The following SMARCC1 variants were observed in gnomAD, a reference collection of about 807,000 sequenced individuals.
The protein encoded by SMARCC1 is SWI/SNF complex subunit SMARCC1.
SMARCC1 carries 43 observed loss-of-function variants against 147.4 expected under a neutral mutation model. The ratio of observed to expected loss-of-function variants is 0.29; its 90% confidence interval spans 0.23 to 0.38. The LOEUF (loss-of-function observed/expected upper bound fraction) is 0.38, where lower values mean the gene tolerates loss of function less well. SMARCC1 is among the 10% of genes least tolerant of loss of function. SMARCC1 has a pLI of 1.00. For missense variants in SMARCC1, 1,119 were observed against 1,381.1 expected (o/e 0.81, Z 3.01); for synonymous variants, 495 against 484.4 (o/e 1.02, Z -0.29).
At chr3:47,616,148 G>A (rs191264904) in intron 25 of SMARCC1, among the ~76,000 whole-genome samples, 1 of 152,282 alleles carries the variant, frequency 6.6e-6, no homozygotes, top group Non-Finnish European at 1.5e-5. Context: ...TGGGGCCCAG[G>A]CCCTTCAATT....
intron 2 of SMARCC1, among the ~76,000 whole-genome samples, chr3:47,760,060 T>C (rs1266797962): frequency 6.6e-6 from 1 of 152,036 alleles, no homozygotes; most frequent in Admixed American, 6.6e-5. Context: ...ACGCCTGAAA[T>C]CCCACCACTC....
intron 6 of SMARCC1, among the ~76,000 whole-genome samples, chr3:47,724,195 G>C (rs1434434439): frequency 6.6e-6 from 1 of 152,162 alleles, no homozygotes; most frequent in Non-Finnish European, 1.5e-5. Flanking sequence ...ATGCTGAAGA[G>C]ATACTTGCAC....
At chr3:47,594,658 A>C (rs1457768191) in intron 26 of SMARCC1, among the ~76,000 whole-genome samples, 2 of 152,218 alleles carry the variant, frequency 1.3e-5, no homozygotes, top group African/African-American at 2.4e-5. Context: ...CCAGCTGATC[A>C]ATAAAAATTT....
At chr3:47,690,349 A>T (rs2033775741) in intron 12 of SMARCC1, among the ~76,000 whole-genome samples, 1 of 152,218 alleles carries the variant, frequency 6.6e-6, no homozygotes, top group Non-Finnish European at 1.5e-5. Context: ...AACATATTAG[A>T]GAGGAAGTGG....
chr3:47,673,606 T>C (rs1349539768), intron 18 of SMARCC1, among the ~76,000 whole-genome samples: 1 of 152,058 alleles, frequency 6.6e-6, no homozygotes, highest in East Asian at 1.9e-4. Context: ...GGAGAATCAC[T>C]TGAACCGTGG....
intron 20 of SMARCC1, among the ~76,000 whole-genome samples, chr3:47,662,021 C>A (rs2033353629): frequency 6.9e-6 from 1 of 144,736 alleles, no homozygotes. Context: ...GAGACGGAGT[C>A]TTGCTCTATT....
At chr3:47,702,318 G>A (rs1179797016) in intron 10 of SMARCC1, among the ~76,000 whole-genome samples, 1 of 149,792 alleles carries the variant, frequency 6.7e-6, no homozygotes, top group African/African-American at 2.4e-5. Context: ...CACATAACAT[G>A]ATTCATACAG....
intron 21 of SMARCC1, among the ~76,000 whole-genome samples, chr3:47,642,382 G>A (rs1039497969): frequency 6.6e-6 from 1 of 152,178 alleles, no homozygotes; most frequent in Non-Finnish European, 1.5e-5. Flanking sequence ...TTGAGGTAAG[G>A]AGTTCGAGGC....
chr3:47,779,676 A>C (rs1576440582), intron 1 of SMARCC1, among the ~76,000 whole-genome samples: 1 of 152,176 alleles, frequency 6.6e-6, no homozygotes, highest in Non-Finnish European at 1.5e-5. Flanking sequence ...ATATCGAAGG[A>C]TTATCCATGT....
At chr3:47,623,351 A>C (rs749023046) in intron 24 of SMARCC1, among the ~76,000 whole-genome samples, 46 of 152,070 alleles carry the variant, frequency 3.0e-4, no homozygotes, top group Admixed American at 8.5e-4. Context: ...CTGATCTCTT[A>C]ATGATCTTAG....
At chr3:47,774,151 A>G (rs1205871683) in intron 1 of SMARCC1, among the ~76,000 whole-genome samples, 1 of 152,046 alleles carries the variant, frequency 6.6e-6, no homozygotes, top group Non-Finnish European at 1.5e-5. Flanking sequence ...CAAAGTCTAC[A>G]ATTATTATGC....
At position 47,636,027 on chromosome 3, in the gene SMARCC1, T is replaced by A; in HGVS notation, c.2486A>T (p.Lys829Ile). 6.6e-7 allele frequency: 1 copy of A among 1,509,622 alleles called. No individual in the cohort carries two copies. Among genetic ancestry groups the A allele is most frequent in the East Asian group, 2.3e-5 (1 of 44,328 alleles). 93.5% of individuals were successfully genotyped at this position (1,509,622 alleles called of 1,614,324 possible). The change falls in exon 23 of 28, where the codon AAA becomes ATA. Residue 829 changes from lysine (K) to isoleucine (I), a missense_variant. Lys to Ile is a moderately radical substitution (Grantham distance 102). Transcript: ENST00000254480. Reference sequence around the variant, plus strand: ...AAGGAGTTTCCTCAAATTACCTGATTTGGTATCCTCACTCACTTCACTATC... The same window carrying A: ...AAGGAGTTTCCTCAAATTACCTGATATGGTATCCTCACTCACTTCACTATC... ...EQDSEVSEDT[K>I]SEEKETEENK...
chr3:47,712,309 A>C (rs1301724015), intron 8 of SMARCC1, among the ~76,000 whole-genome samples: 1 of 152,222 alleles, frequency 6.6e-6, no homozygotes, highest in Non-Finnish European at 1.5e-5. Flanking sequence ...TAGAAAAAAA[A>C]AATAGGACTG....
chr3:47,653,245 C>T (rs974060209), intron 21 of SMARCC1, among the ~76,000 whole-genome samples: 3 of 152,212 alleles, frequency 2.0e-5, no homozygotes, highest in Admixed American at 6.5e-5. Context: ...GCGTGAGCCA[C>T]GGCGCCCGGC....
intron 5 of SMARCC1, among the ~76,000 whole-genome samples, chr3:47,733,501 AT>A (rs1256500227): frequency 3.3e-5 from 5 of 152,282 alleles, no homozygotes; most frequent in African/African-American, 1.2e-4. Flanking sequence ...CATGACTGTA[AT>A]CTCAGCACTT....
intron 26 of SMARCC1, among the ~76,000 whole-genome samples, chr3:47,599,310 G>C (rs1054634790): frequency 6.6e-6 from 1 of 151,840 alleles, no homozygotes; most frequent in Admixed American, 6.6e-5. Context: ...TTGAACCCGG[G>C]AGGTAGAGGT....
In SMARCC1 at chr3:47,662,584, C is replaced by A. The variant is rs1480213356; in HGVS notation, c.1908G>T (p.Glu636Asp). 6.2e-7 allele frequency: 1 copy of A among 1,613,796 alleles called. No homozygotes were observed. Among genetic ancestry groups the A allele is most frequent in the Admixed American group, 1.7e-5 (1 of 59,990 alleles). The change falls in exon 20 of 28, where the codon GAG (glutamate) becomes GAT (aspartate). Residue 636 changes from glutamate (E) to aspartate (D), a missense_variant. Physicochemically the swap from Glu to Asp is conservative, Grantham distance 45. This residue lies in a region of SMARCC1 where 178 missense variants were observed against 264.6 expected (regional missense o/e 0.67). Transcript: ENST00000254480. ...CTTTGTTCCAATCATCCTTGTACAT[C>A]TCCAGGGCCTAAGACAGAAAAAACA... ...QETLLLLEAL[E>D]MYKDDWNKVS...
chr3:47,778,342 T>C (rs970282685), intron 1 of SMARCC1, among the ~76,000 whole-genome samples: 3 of 152,092 alleles, frequency 2.0e-5, no homozygotes, highest in African/African-American at 7.2e-5. Flanking sequence ...AAGGTCTCGC[T>C]CTGTTGCCCA....
Position 47,671,180 on chromosome 3 carries a change from A to ACAAACAAAC in SMARCC1, c.1840-464_1840-463insGTTTGTTTG, listed in dbSNP as rs1349815997. ...AACAGAGCGAGACTATCTCAAAAAA[A>ACAAACAAAC]AAAAAAAAAAAAAAAAAACACACAC... is the stretch of plus-strand genomic sequence containing the variant. On this transcript the variant is annotated intron_variant, in intron 18 of 27. Transcript: ENST00000254480. 6.7e-4 allele frequency among the ~76,000 whole-genome samples: 96 copies of ACAAACAAAC among 142,954 alleles called. 3 individuals are homozygous for ACAAACAAAC. The highest frequency in any genetic ancestry group is 2.3e-3 in the African/African-American group (87 of 38,078). 93.8% of individuals were successfully genotyped at this position (142,954 alleles called of 152,430 possible).
Sources: allele counts gnomAD v4.1 joint callset (sites outside exome capture counted in the v4.1 genomes callset), GRCh38; gene constraint gnomAD v4.1.1; regional missense constraint gnomAD v4.1.1; transcripts MANE v1.5; gene names NCBI Gene and HGNC (gene_info 2026-07-23, HGNC 2026-07-21).